The following COL27A1 variants were observed in gnomAD, a reference collection of about 807,000 sequenced individuals.
COL27A1 encodes the protein collagen alpha-1(XXVII) chain.
A neutral mutation model predicts 251.3 loss-of-function variants in COL27A1; 106 were observed. The observed-to-expected ratio is 0.42, with a 90% CI of 0.36 to 0.50. The LOEUF (loss-of-function observed/expected upper bound fraction) is 0.50. Among genes scored for constraint, COL27A1 ranks in the 20% least tolerant of loss-of-function variants. COL27A1 has a pLI of 0.00. For synonymous variants in COL27A1, 1,000 were observed against 986.3 expected, an observed-to-expected ratio of 1.01 and a Z score of -0.26; for missense variants, 2,325 against 2,522.8, an observed-to-expected ratio of 0.92 and a Z score of 1.68.
chr9:114,208,101 T>C (rs1006827987), intron 10 of COL27A1, among the ~76,000 whole-genome samples: 6 of 152,178 alleles, frequency 3.9e-5, no homozygotes, highest in African/African-American at 9.7e-5. Context: ...GCTTCACCCC[T>C]CTGGGCCTAA....
intron 23 of COL27A1, among the ~76,000 whole-genome samples, chr9:114,244,389 T>TA (rs1181757285): frequency 2.0e-5 from 3 of 152,178 alleles, no homozygotes; most frequent in Non-Finnish European, 4.4e-5. Context: ...ACAGGGTTTT[T>TA]AAAAAATGTT....
intron 12 of COL27A1, among the ~76,000 whole-genome samples, chr9:114,213,803 A>G (rs559615664): frequency 2.0e-5 from 3 of 152,222 alleles, no homozygotes; most frequent in East Asian, 3.9e-4. Flanking sequence ...CCATTTGTCC[A>G]TAGACACTCT....
intron 39 of COL27A1, among the ~76,000 whole-genome samples, chr9:114,283,056 C>T (rs987119174): frequency 1.3e-5 from 2 of 152,136 alleles, no homozygotes; most frequent in Non-Finnish European, 2.9e-5. Context: ...AGATGAAGAC[C>T]CCAGGGGGAA....
chr9:114,222,625 T>C (rs367821680), intron 14 of COL27A1, among the ~76,000 whole-genome samples: 36 of 151,838 alleles, frequency 2.4e-4, no homozygotes, highest in East Asian at 1.6e-3. Flanking sequence ...TGCAAGGAGG[T>C]GTGGGCAAGT....
intron 49 of COL27A1, among the ~76,000 whole-genome samples, chr9:114,297,051 G>C (rs1240896852): frequency 1.3e-5 from 2 of 152,134 alleles, no homozygotes; most frequent in Non-Finnish European, 2.9e-5. Flanking sequence ...GAGATGGGAG[G>C]GTAGGCAGGA....
intron 18 of COL27A1, 87 bp from the exon 19 acceptor site, chr9:114,237,575 C>T (rs1832482956): frequency 1.8e-6 from 2 of 1,120,446 alleles, no homozygotes. Context: ...AACTTTCCAA[C>T]CATCCACAAC....
intron 39 of COL27A1, among the ~76,000 whole-genome samples, chr9:114,283,126 T>G (rs1261439840): frequency 4.6e-5 from 7 of 152,210 alleles, no homozygotes; most frequent in African/African-American, 1.7e-4. Flanking sequence ...TGTGTAAGGT[T>G]AAGCAACCAG....
Position 114,155,804 on chromosome 9 carries a change from G to A in COL27A1, c.-147G>A. On this transcript the variant is annotated 5_prime_UTR_variant, in exon 1 of 61. Coordinates refer to ENST00000356083, the MANE Select transcript of COL27A1 (RefSeq NM_032888.4). The surrounding 1 kb of genome is among the most constrained non-coding windows in gnomAD (Gnocchi z 5.5). ...CCCCAGCCGCGCTGCCTGCCTGCTC[G>A]GGCGCCCCTGGGCGCGGGGCTGCGC... 7 of 548,532 alleles carry A rather than the reference G, an allele frequency of 1.3e-5. No individual in the cohort carries two copies. The highest frequency in any genetic ancestry group is 1.6e-5 in the Non-Finnish European group (7 of 432,474). 34.0% of individuals were successfully genotyped at this position (548,532 alleles called of 1,614,324 possible). A position where few individuals can be genotyped will look rare whatever the true frequency, so the allele number is the denominator to read the frequency against.
chr9:114,304,521 C>A, intron 56 of COL27A1, 87 bp from the exon 57 acceptor site: 1 of 1,249,608 alleles, frequency 8.0e-7, no homozygotes, highest in Non-Finnish European at 1.2e-6. Flanking sequence ...AAGATCCTGC[C>A]AGGGAATGTG....
At chr9:114,187,329 T>C (rs1420717492) in intron 5 of COL27A1, among the ~76,000 whole-genome samples, 1 of 152,198 alleles carries the variant, frequency 6.6e-6, no homozygotes, top group East Asian at 1.9e-4. Flanking sequence ...TATGGAGAAG[T>C]CCAGAAGATG....
intron 6 of COL27A1, 27 bp from the exon 7 acceptor site, chr9:114,195,932 C>G (rs529300012): frequency 6.3e-7 from 1 of 1,588,192 alleles, no homozygotes; most frequent in African/African-American, 1.3e-5. Flanking sequence ...GTTTTCCTGC[C>G]TCACCCACCT....
intron 24 of COL27A1, 81 bp downstream of exon 24, chr9:114,245,991 C>T: frequency 8.5e-7 from 1 of 1,177,606 alleles, no homozygotes; most frequent in Admixed American, 2.1e-5. Flanking sequence ...CCAGCACCCT[C>T]CATGCACCAC....
At chr9:114,183,149 G>T in intron 5 of COL27A1, 74 bp downstream of exon 5, 1 of 1,419,538 alleles carries the variant, frequency 7.0e-7, no homozygotes, top group Non-Finnish European at 9.9e-7. Context: ...CTTCCCAGGG[G>T]TGCCTGGTGG....
chr9:114,208,809 A>G (rs1399324117), intron 10 of COL27A1, among the ~76,000 whole-genome samples: 2 of 152,138 alleles, frequency 1.3e-5, no homozygotes, highest in South Asian at 2.1e-4. Context: ...TTGGGGTATC[A>G]GGGATGCTTG....
At chr9:114,279,419 G>A (rs985448304) in intron 37 of COL27A1, among the ~76,000 whole-genome samples, 3 of 152,206 alleles carry the variant, frequency 2.0e-5, no homozygotes, top group Non-Finnish European at 2.9e-5. Context: ...TTTTATTACC[G>A]GAGGAGCTGG....
At chr9:114,217,715 GC>G in intron 12 of COL27A1, 1 of 465,000 alleles carries the variant, frequency 2.2e-6, no homozygotes. Context: ...TCAGCCAGGT[GC>G]CCAGCCAGAC....
intron 59 of COL27A1, 142 bp downstream of exon 59, chr9:114,307,920 A>T: frequency 1.7e-6 from 1 of 594,570 alleles, no homozygotes; most frequent in Non-Finnish European, 3.0e-6. Flanking sequence ...TCCTTCCGAG[A>T]CTCAGTTTCC....
Position 114,179,537 on chromosome 9 carries a change from T to C in COL27A1, c.1962+1193T>C, listed in dbSNP as rs577182415. Among the ~76,000 whole-genome samples the C allele has an allele frequency of 2.6e-4, 39 of 152,326 alleles. 1 individual carries two copies. The highest frequency in any genetic ancestry group is 1.5e-3 in the Admixed American group (23 of 15,296). On this transcript the variant is annotated intron_variant, in intron 4 of 60. Transcript: ENST00000356083. ...TGTCTAAGAGCAAATGCCACCTTTA[T>C]TTCTGATGACCACTCCCTTCTTGGA... is the stretch of plus-strand genomic sequence containing the variant.
intron 37 of COL27A1, among the ~76,000 whole-genome samples, chr9:114,278,930 A>G (rs1410102161): frequency 6.6e-6 from 1 of 152,126 alleles, no homozygotes; most frequent in East Asian, 1.9e-4. Flanking sequence ...GATGGGGCCC[A>G]GCAGAAATAT....
Sources: gnomAD v4.1 joint callset for allele counts (sites outside exome capture counted in the v4.1 genomes callset) on GRCh38, gnomAD v4.1.1 for gene constraint, Gnocchi (gnomAD v3.1) non-coding constraint, MANE v1.5 for transcripts, NCBI Gene and HGNC (gene_info 2026-07-23, HGNC 2026-07-21) for gene names.